CACNB2: variants seen among roughly 807,000 people sequenced by gnomAD.
The protein encoded by CACNB2 is calcium voltage-gated channel auxiliary subunit beta 2, also known as voltage-dependent L-type calcium channel subunit beta-2.
Under a neutral mutation model 73.3 loss-of-function variants are expected in CACNB2, and 42 were observed. The ratio of observed to expected loss-of-function variants is 0.57; its 90% CI spans 0.45 to 0.74. The LOEUF (loss-of-function observed/expected upper bound fraction) is 0.74, where lower values mean the gene tolerates loss of function less well. Among genes scored for constraint, CACNB2 ranks in the 30% least tolerant of loss-of-function variants. The pLI is 0.00. For synonymous variants in CACNB2, 348 were observed against 310.3 expected, an observed-to-expected ratio of 1.12 and a Z score of -1.28; for missense variants, 940 against 853.0, an observed-to-expected ratio of 1.10 and a Z score of -1.27.
intron 10 of CACNB2, chr10:18,533,183 G>C (rs909390695): frequency 2.6e-5 from 4 of 152,094 alleles, no homozygotes; most frequent in Non-Finnish European, 4.4e-5. Context: ...GACTGCAGTG[G>C]GAAGTGAAAG....
chr10:18,525,443 A>C (rs2052375852), intron 9 of CACNB2, among the ~76,000 whole-genome samples: 1 of 152,046 alleles, frequency 6.6e-6, no homozygotes, highest in Non-Finnish European at 1.5e-5. Flanking sequence ...TTTTCCCTCC[A>C]AATTTTGAAG....
chr10:18,223,991 A>T (rs1165356786), intron 2 of CACNB2, among the ~76,000 whole-genome samples: 3 of 146,946 alleles, frequency 2.0e-5, no homozygotes, highest in African/African-American at 7.5e-5. Flanking sequence ...TAAGGGGTCT[A>T]TTTTTTTTTT....
At chr10:18,355,135 C>A (rs1297175592) in intron 2 of CACNB2, among the ~76,000 whole-genome samples, 1 of 152,142 alleles carries the variant, frequency 6.6e-6, no homozygotes, top group East Asian at 1.9e-4. Flanking sequence ...ATTCCGAAAT[C>A]CAAATAAAAT....
At chr10:18,513,471 C>T (rs948903238) in intron 6 of CACNB2, 9 of 271,852 alleles carry the variant, frequency 3.3e-5, no homozygotes, top group East Asian at 1.0e-4. Flanking sequence ...CCACTATGCT[C>T]CTCATCTTCA....
At position 18,534,020 on chromosome 10, in the gene CACNB2, A is replaced by G; in HGVS notation, c.1055-56A>G. 4 of 1,573,142 alleles carry G rather than the reference A, an allele frequency of 2.5e-6. No individual in the cohort carries two copies. The Admixed American group carries it at 5.0e-5, about 20-fold the overall frequency. ...CTTTCTGTTGAAGAAACAGTATACC[A>G]TTTTACTTTATCTTAAAAATACTGC... On this transcript the variant is annotated intron_variant, in intron 10 of 13. Coordinates refer to ENST00000324631, the MANE Select transcript of CACNB2 (RefSeq NM_201596.3).
intron 2 of CACNB2, among the ~76,000 whole-genome samples, chr10:18,335,417 A>G (rs574341969): frequency 5.9e-5 from 9 of 152,202 alleles, no homozygotes; most frequent in Non-Finnish European, 1.2e-4. Context: ...TTTAGTAAAA[A>G]CAAGCAGACA....
intron 9 of CACNB2, 132 bp downstream of exon 9, chr10:18,519,100 CAATTT>C: frequency 1.3e-6 from 1 of 781,964 alleles, no homozygotes; most frequent in African/African-American, 1.7e-5. Flanking sequence ...AAGTTTCACT[CAATTT>C]AATCTGATTC....
chr10:18,417,390 C>G (rs1425145525), intron 3 of CACNB2, among the ~76,000 whole-genome samples: 1 of 78,272 alleles, frequency 1.3e-5, no homozygotes, highest in East Asian at 3.3e-4. Context: ...TTTTTTGAGA[C>G]GAAGTTTCAC....
chr10:18,475,966 A>G (rs1247704352), intron 3 of CACNB2, among the ~76,000 whole-genome samples: 1 of 152,196 alleles, frequency 6.6e-6, no homozygotes, highest in East Asian at 1.9e-4. Context: ...AGTAAGGTGA[A>G]AGCAATTTGT....
chr10:18,436,897 C>T (rs1382600593), intron 3 of CACNB2, among the ~76,000 whole-genome samples: 2 of 152,104 alleles, frequency 1.3e-5, no homozygotes, highest in Admixed American at 6.6e-5. Flanking sequence ...GAGAGAGTCA[C>T]CTTATATTTG....
At chr10:18,410,779 A>G (rs572945763) in intron 3 of CACNB2, among the ~76,000 whole-genome samples, 1 of 152,116 alleles carries the variant, frequency 6.6e-6, no homozygotes, top group Non-Finnish European at 1.5e-5. Flanking sequence ...CAGGAGTTTG[A>G]GAGCAGCCTG....
intron 3 of CACNB2, among the ~76,000 whole-genome samples, chr10:18,444,805 A>T (rs2046652843): frequency 6.6e-6 from 1 of 152,208 alleles, no homozygotes; most frequent in Non-Finnish European, 1.5e-5. Context: ...GAGAGGGTAA[A>T]GTAACACACT....
In CACNB2 at chr10:18,353,552, C is replaced by T. The variant is rs183033974; in HGVS notation, c.214-48372C>T. Among the ~76,000 whole-genome samples, 571 of 152,292 alleles carry T rather than the reference C, an allele frequency of 3.7e-3. 9 individuals carry two copies. Among genetic ancestry groups the T allele is most frequent in the Non-Finnish European group, 1.1e-3 (78 of 68,028 alleles). On this transcript the variant is annotated intron_variant, in intron 2 of 13. Transcript: ENST00000324631. ...AACAAAATATGTAAGCATTTCTTCACAGTTCGCCGATCTACGTTGATTCAG... is the reference window on the plus strand; with the variant it reads ...AACAAAATATGTAAGCATTTCTTCATAGTTCGCCGATCTACGTTGATTCAG...
intron 6 of CACNB2, among the ~76,000 whole-genome samples, chr10:18,511,230 T>A (rs1252612344): frequency 2.0e-5 from 3 of 152,218 alleles, no homozygotes; most frequent in Non-Finnish European, 2.9e-5. Flanking sequence ...TTATTACCTT[T>A]TTTTTGATAG....
intron 3 of CACNB2, among the ~76,000 whole-genome samples, chr10:18,466,618 C>G (rs571298334): frequency 6.6e-6 from 1 of 152,074 alleles, no homozygotes; most frequent in Non-Finnish European, 1.5e-5. Context: ...AAATTGATTT[C>G]GTTTGTAGCT....
chr10:18,487,648 A>G (rs2049135531), intron 3 of CACNB2, among the ~76,000 whole-genome samples: 1 of 152,040 alleles, frequency 6.6e-6, no homozygotes, highest in African/African-American at 2.4e-5. Flanking sequence ...CAGCCTCGCC[A>G]ACATAGTGAA....
At chr10:18,527,037 T>G (rs2052539200) in intron 9 of CACNB2, among the ~76,000 whole-genome samples, 1 of 152,212 alleles carries the variant, frequency 6.6e-6, no homozygotes, top group South Asian at 2.1e-4. Flanking sequence ...AATAAAGTGC[T>G]CAGTACTTAT....
At chr10:18,382,725 C>G (rs986674496) in intron 2 of CACNB2, among the ~76,000 whole-genome samples, 1 of 152,116 alleles carries the variant, frequency 6.6e-6, no homozygotes, top group Non-Finnish European at 1.5e-5. Context: ...GATCTCATTC[C>G]TTTTTATGGA....
At chr10:18,186,889 C>T (rs1374734405) in intron 2 of CACNB2, among the ~76,000 whole-genome samples, 1 of 152,176 alleles carries the variant, frequency 6.6e-6, no homozygotes, top group African/African-American at 2.4e-5. Context: ...AATGGGGCAG[C>T]TTTTGTACAA....
Sources: allele counts gnomAD v4.1 joint callset (sites outside exome capture counted in the v4.1 genomes callset), GRCh38; gene constraint gnomAD v4.1.1; transcripts MANE v1.5; gene names NCBI Gene and HGNC (gene_info 2026-07-23, HGNC 2026-07-21).